TJP3: variants seen among roughly 807,000 people sequenced by gnomAD.
The protein encoded by TJP3 is tight junction protein ZO-3.
TJP3 carries 85 observed loss-of-function variants against 104.2 expected under a neutral mutation model. The observed-to-expected ratio is 0.82, with a 90% CI of 0.68 to 0.98. The LOEUF is 0.98. Among genes scored for constraint, TJP3 ranks in the 50% least tolerant of loss-of-function variants. The pLI is 0.00. For missense variants in TJP3, 1,367 were observed against 1,322.8 expected (o/e 1.03, Z -0.52); for synonymous variants, 550 against 550.6 (o/e 1.00, Z 0.02).
intron 1 of TJP3, among the ~76,000 whole-genome samples, chr19:3,716,059 G>A (rs1014603081): frequency 6.7e-6 from 1 of 148,232 alleles, no homozygotes; most frequent in East Asian, 2.0e-4. Flanking sequence ...GATTACAGGC[G>A]TGAGCCACCA....
chr19:3,750,534 C>G, intron 20 of TJP3, 48 bp from the exon 21 acceptor site: 1 of 1,479,452 alleles, frequency 6.8e-7, no homozygotes. Flanking sequence ...GGTGAGAAAG[C>G]TCACACCCTT....
chr19:3,727,786 C>T (rs1369319414), intron 1 of TJP3, among the ~76,000 whole-genome samples: 1 of 151,932 alleles, frequency 6.6e-6, no homozygotes, highest in Non-Finnish European at 1.5e-5. Flanking sequence ...AGGTGCCCAG[C>T]TACTCAGGAG....
At chr19:3,727,440 G>A (rs754217843) in intron 1 of TJP3, among the ~76,000 whole-genome samples, 9 of 142,152 alleles carry the variant, frequency 6.3e-5, no homozygotes, top group Non-Finnish European at 6.0e-5. Flanking sequence ...CCAAGATCAC[G>A]CCATTGCACT....
Position 3,733,727 on chromosome 19 carries a change from G to A in TJP3, c.718-26G>A, listed in dbSNP as rs138954258. 4,076 of 1,611,826 alleles carry A rather than the reference G, an allele frequency of 2.5e-3. 41 individuals carry two copies. Among genetic ancestry groups the A allele is most frequent in the South Asian group, 0.016 (1,458 of 91,034 alleles). ...TCCCATCTCTCATTAACTCACTTCC[G>A]CTCTTTCATTCCTGGTCCCTTTCAG... is the stretch of plus-strand genomic sequence containing the variant. On this transcript the variant is annotated intron_variant, in intron 6 of 20. Transcript: ENST00000541714.
In TJP3 at chr19:3,714,629, C is replaced by T. The variant is rs1232142918; in HGVS notation, c.-10+6068C>T. On this transcript the variant is annotated intron_variant, in intron 1 of 20. Coordinates refer to ENST00000541714, the MANE Select transcript of TJP3 (RefSeq NM_001267560.2). The stretch of plus-strand genomic sequence containing the variant: ...ATGTAACTAAAAAGTACAATTAGGC[C>T]AGGCGCAGTGGCACACACCTGTAAT... Among the ~76,000 whole-genome samples, 4 of 151,886 alleles carry T rather than the reference C, an allele frequency of 2.6e-5. No individual in the cohort carries two copies. In the East Asian group the frequency reaches 5.8e-4, roughly 22 times the overall value.
chr19:3,735,495 G>T (rs1161769886), intron 8 of TJP3, 71 bp from the exon 9 acceptor site: 10 of 1,500,514 alleles, frequency 6.7e-6, no homozygotes, highest in Non-Finnish European at 9.3e-6. Flanking sequence ...CACCGTGCCC[G>T]GCCTAAAATT....
intron 20 of TJP3, 133 bp from the exon 21 acceptor site, chr19:3,750,449 C>G (rs1432195592): frequency 1.2e-6 from 1 of 826,172 alleles, no homozygotes; most frequent in East Asian, 2.7e-5. Context: ...GTTAACAAGG[C>G]CCTACCCATG....
chr19:3,732,218 A>T (rs1568383075), intron 6 of TJP3, among the ~76,000 whole-genome samples, 180 bp downstream of exon 6: 1 of 152,136 alleles, frequency 6.6e-6, no homozygotes, highest in Non-Finnish European at 1.5e-5. Flanking sequence ...TTCCCCAGCT[A>T]CTACTAATCC....
chr19:3,721,864 A>AG, intron 1 of TJP3: 1 of 1,175,742 alleles, frequency 8.5e-7, no homozygotes. Flanking sequence ...CCCCTCGGGT[A>AG]GGGGGGCTGG....
At chr19:3,734,815 G>A (rs923253358) in intron 8 of TJP3, among the ~76,000 whole-genome samples, 4 of 152,144 alleles carry the variant, frequency 2.6e-5, no homozygotes, top group African/African-American at 4.8e-5. Context: ...TTAGCCCGGC[G>A]TGGTGCCGGG....
intron 15 of TJP3, among the ~76,000 whole-genome samples, chr19:3,744,768 AAC>A (rs2036864704): frequency 1.3e-5 from 2 of 150,866 alleles, no homozygotes; most frequent in African/African-American, 4.9e-5. Flanking sequence ...CTCTACTAAA[AAC>A]ACAAAAAATT....
chr19:3,719,794 G>A (rs78011622), intron 1 of TJP3, among the ~76,000 whole-genome samples: 53 of 151,922 alleles, frequency 3.5e-4, no homozygotes, highest in African/African-American at 1.3e-3. Context: ...GTGAGAAGGT[G>A]CGTTGAAATG....
At chr19:3,738,685 T>G in intron 12 of TJP3, 22 bp downstream of exon 12, 1 of 1,597,118 alleles carries the variant, frequency 6.3e-7, no homozygotes, top group East Asian at 2.2e-5. Context: ...TGGATATGGG[T>G]GTGCCTGTGT....
chr19:3,714,545 C>T (rs1412935481), intron 1 of TJP3, among the ~76,000 whole-genome samples: 1 of 152,070 alleles, frequency 6.6e-6, no homozygotes, highest in Non-Finnish European at 1.5e-5. Context: ...AACTGATTGA[C>T]AGACACAGTG....
chr19:3,741,576 A>G (rs1016105185), intron 14 of TJP3, among the ~76,000 whole-genome samples: 5 of 141,364 alleles, frequency 3.5e-5, no homozygotes, highest in African/African-American at 1.3e-4. Context: ...GCAGTGAGCT[A>G]TGATCGCACC....
intron 14 of TJP3, among the ~76,000 whole-genome samples, chr19:3,742,115 A>G (rs12460959): frequency 0.19 from 28,427 of 152,008 alleles, 2,821 homozygotes; most frequent in South Asian, 0.28. Context: ...GGAAAAAGAA[A>G]TAGCAATAAT....
At chr19:3,723,518 G>A (rs2036564395) in intron 1 of TJP3, among the ~76,000 whole-genome samples, 2 of 152,224 alleles carry the variant, frequency 1.3e-5, no homozygotes, top group South Asian at 2.1e-4. Context: ...CAGGCTGGGC[G>A]TGGTGGCTCA....
At chr19:3,724,417 G>A (rs1010747854) in intron 1 of TJP3, among the ~76,000 whole-genome samples, 9 of 152,092 alleles carry the variant, frequency 5.9e-5, no homozygotes, top group East Asian at 1.9e-4. Context: ...GGATAGTCTC[G>A]ATCTCCTGAC....
chr19:3,747,008 G>A, intron 18 of TJP3, 132 bp downstream of exon 18: 4 of 815,650 alleles, frequency 4.9e-6, no homozygotes, highest in Non-Finnish European at 7.9e-6. Flanking sequence ...GTCAAGATGG[G>A]ACCTGAGACA....
Sources: allele counts gnomAD v4.1 joint callset (sites outside exome capture counted in the v4.1 genomes callset), GRCh38; gene constraint gnomAD v4.1.1; transcripts MANE v1.5; gene names NCBI Gene and HGNC (gene_info 2026-07-23, HGNC 2026-07-21).